Variants in ZNF782 observed in about 807,000 individuals in gnomAD.
ZNF782 encodes zinc finger protein 782.
A neutral mutation model predicts 13.0 loss-of-function variants in ZNF782; 12 were observed. The ratio of observed to expected loss-of-function variants is 0.92; its 90% CI spans 0.59 to 1.50. ZNF782 has a LOEUF of 1.50. ZNF782 is among the 40% of genes most tolerant of loss of function. The probability of loss-of-function intolerance (pLI) is 0.00; values close to 1 mark genes in which losing one functional copy is unlikely to be tolerated. For missense variants in ZNF782, 770 were observed against 822.9 expected, an observed-to-expected ratio of 0.94 and a Z score of 0.79; for synonymous variants, 284 against 283.0, an observed-to-expected ratio of 1.00 and a Z score of -0.04.
the ZNF782 span, among the ~76,000 whole-genome samples, chr9:96,932,677 A>T: frequency 1.4e-5 from 2 of 141,476 alleles, no homozygotes; most frequent in African/African-American, 5.3e-5. Flanking sequence ...TTTGAGATGG[A>T]CTTTCACTCT....
chr9:96,818,346 T>C lies in ZNF782; in HGVS notation c.1677A>G (p.Glu559=), dbSNP rs1850250077. 1 of 1,613,982 alleles carries C rather than the reference T, an allele frequency of 6.2e-7. No homozygotes were observed. Among genetic ancestry groups the C allele is most frequent in the East Asian group, 2.2e-5 (1 of 44,846 alleles). The change falls in exon 6 of 6, where the codon GAA becomes GAG. Residue 559 remains glutamate (E), a synonymous_variant. Transcript: ENST00000481138. ...LRGHHRIHTG[E]KPYKCNHCGE... ...CACAATGATTACATTTATAGGGTTT[T>C]TCCCCTGTGTGAATTCTATGATGTC...
the ZNF782 span, among the ~76,000 whole-genome samples, chr9:96,932,773 T>C: frequency 2.0e-5 from 3 of 151,556 alleles, no homozygotes; most frequent in Non-Finnish European, 4.4e-5. Flanking sequence ...CTGCCTCAGC[T>C]TCCTGAGTAG....
the ZNF782 span, among the ~76,000 whole-genome samples, chr9:96,926,348 G>A: frequency 3.3e-5 from 5 of 151,724 alleles, no homozygotes; most frequent in Middle Eastern, 3.2e-3. Flanking sequence ...AAAAGATCGC[G>A]TCCTCAGAAA....
the ZNF782 span, among the ~76,000 whole-genome samples, chr9:96,915,435 C>G: frequency 1.2e-4 from 18 of 149,984 alleles, no homozygotes; most frequent in Non-Finnish European, 1.5e-4. Context: ...TCCCAGCACT[C>G]TGGGAGGCCA....
intron 4 of ZNF782, 71 bp downstream of exon 4, chr9:96,844,819 T>A: frequency 1.9e-6 from 3 of 1,606,978 alleles, no homozygotes; most frequent in Admixed American, 3.3e-5. Flanking sequence ...CATGGTACGG[T>A]ATGGAGAGAG....
At chr9:96,895,526 T>G in the ZNF782 span, 40 of 152,286 alleles carry the variant, frequency 2.6e-4, no homozygotes, top group Non-Finnish European at 5.4e-4. Context: ...TTACCAAAAT[T>G]GTATACTGTT....
chr9:96,818,000 T>C lies in ZNF782; in HGVS notation c.2023A>G (p.Lys675Glu). ...QRTHTGEKPY[K>E]CDKCGRTFSQ... ...AAAGTTCTCCCACATTTATCACATTTATAGGGTTTCTCCCCTGTGTGAGTT... is the reference window on the plus strand; with the variant it reads ...AAAGTTCTCCCACATTTATCACATTCATAGGGTTTCTCCCCTGTGTGAGTT... Residue 675 changes from lysine (K) to glutamate (E), a missense_variant, in exon 6 of 6, where the codon AAA becomes GAA. By Grantham distance (56) the Lys-to-Glu change is moderately conservative (BLOSUM62 1). Coordinates refer to ENST00000481138, the MANE Select transcript of ZNF782 (RefSeq NM_001001662.3). 1.2e-6 allele frequency: 2 copies of C among 1,613,298 alleles called. No homozygotes were observed. Among genetic ancestry groups the C allele is most frequent in the South Asian group, 2.2e-5 (2 of 90,884 alleles).
At chr9:96,898,109 G>A in the ZNF782 span, 4 of 148,910 alleles carry the variant, frequency 2.7e-5, no homozygotes, top group African/African-American at 1.0e-4. Context: ...CCAGGCCTTT[G>A]CTCACCCTGA....
upstream of ZNF782, among the ~76,000 whole-genome samples, chr9:96,880,488 T>C (rs1381239422): frequency 6.6e-6 from 1 of 152,212 alleles, no homozygotes; most frequent in Non-Finnish European, 1.5e-5. Context: ...GTTATTATTA[T>C]AAATGGATGT....
chr9:96,870,159 G>T (rs534641150), intron 1 of ZNF782, among the ~76,000 whole-genome samples: 1 of 152,316 alleles, frequency 6.6e-6, no homozygotes, highest in South Asian at 2.1e-4. Context: ...CTATCTAAGG[G>T]AGTCTGCATG....
At chr9:96,849,439 G>A (rs1430399612) in intron 3 of ZNF782, among the ~76,000 whole-genome samples, 1 of 152,192 alleles carries the variant, frequency 6.6e-6, no homozygotes, top group Non-Finnish European at 1.5e-5. Context: ...TTTAATAAAT[G>A]GTGCTGGTAA....
In ZNF782 at chr9:96,820,872, T is replaced by C. The variant is rs569900311; in HGVS notation, c.245-1094A>G. The stretch of plus-strand genomic sequence containing the variant: ...GCCAATAGTGAATCTTTTTAGATCA[T>C]CAAATCTTAACTTTTGTCTTTTCAG... On this transcript the variant is annotated intron_variant, in intron 5 of 5. Transcript: ENST00000481138. Among the ~76,000 whole-genome samples the C allele has an allele frequency of 3.9e-5, 6 of 152,286 alleles. No homozygotes were observed. In the East Asian group the frequency reaches 1.2e-3, roughly 29 times the overall value.
intron 3 of ZNF782, among the ~76,000 whole-genome samples, chr9:96,848,962 G>A (rs545986153): frequency 6.6e-6 from 1 of 152,282 alleles, no homozygotes; most frequent in Admixed American, 6.5e-5. Flanking sequence ...TATGGTACTG[G>A]TATAAAGGCA....
At chr9:96,872,960 G>A (rs1252601079) in intron 1 of ZNF782, among the ~76,000 whole-genome samples, 1 of 152,170 alleles carries the variant, frequency 6.6e-6, no homozygotes, top group African/African-American at 2.4e-5. Flanking sequence ...AAAAAAAGTG[G>A]AAGTACAGAA....
At chr9:96,839,333 A>G (rs1297698959) in intron 4 of ZNF782, among the ~76,000 whole-genome samples, 1 of 121,832 alleles carries the variant, frequency 8.2e-6, no homozygotes. Context: ...CTGATACATT[A>G]GGCAAAAATA....
At chr9:96,927,420 T>C in the ZNF782 span, among the ~76,000 whole-genome samples, 1 of 151,514 alleles carries the variant, frequency 6.6e-6, no homozygotes, top group African/African-American at 2.4e-5. Flanking sequence ...CCACTAAACC[T>C]GGAAGCTGAG....
At chr9:96,855,556 A>G (rs1851630458), upstream of ZNF782, among the ~76,000 whole-genome samples, 1 of 152,176 alleles carries the variant, frequency 6.6e-6, no homozygotes, top group Admixed American at 6.5e-5. Context: ...ATAGTCTCCA[A>G]TCTCATTCAG....
chr9:96,877,568 A>T (rs1203809141), upstream of ZNF782, among the ~76,000 whole-genome samples: 1 of 152,230 alleles, frequency 6.6e-6, no homozygotes, highest in Non-Finnish European at 1.5e-5. Flanking sequence ...GCTTCCCCAT[A>T]GGCCCGCGTC....
chr9:96,911,349 G>A, the ZNF782 span, among the ~76,000 whole-genome samples: 1 of 133,046 alleles, frequency 7.5e-6, no homozygotes. Flanking sequence ...TGAGGCAGGA[G>A]AATGGCATGA....
Sources: gnomAD v4.1 joint callset for allele counts (sites outside exome capture counted in the v4.1 genomes callset) on GRCh38, gnomAD v4.1.1 for gene constraint, MANE v1.5 for transcripts, NCBI Gene and HGNC (gene_info 2026-07-23, HGNC 2026-07-21) for gene names.